FBXL19: variants seen among roughly 807,000 people sequenced by gnomAD.
The protein encoded by FBXL19 is F-box/LRR-repeat protein 19.
FBXL19 carries 16 observed loss-of-function variants against 71.2 expected under a neutral mutation model. The ratio of observed to expected loss-of-function variants is 0.22; its 90% confidence interval spans 0.15 to 0.34. FBXL19 has a LOEUF of 0.34. FBXL19 is among the 10% of genes least tolerant of loss of function. The pLI is 1.00. For synonymous variants in FBXL19, 447 were observed against 409.4 expected (o/e 1.09, Z -1.11); for missense variants, 658 against 968.2 (o/e 0.68, Z 4.25).
In FBXL19 at chr16:30,946,704, T is replaced by G. The variant is rs1258210251; in HGVS notation, c.1628-26T>G. ...GCGCAGGGATGGGAGTGGCCAGGAG[T>G]GCTGACCTCTCATCTGGCTGCCCAG... On this transcript the variant is annotated intron_variant, in intron 9 of 10. Transcript: ENST00000338343. The surrounding 1 kb of genome is among the most constrained non-coding windows in gnomAD (Gnocchi z 6.7). The G allele has an allele frequency of 6.3e-7, 1 of 1,599,116 alleles. No homozygotes were observed. Among genetic ancestry groups the G allele is most frequent in the Non-Finnish European group, 8.5e-7 (1 of 1,173,792 alleles).
intron 7 of FBXL19, among the ~76,000 whole-genome samples, chr16:30,931,376 G>A (rs999664219): frequency 6.6e-6 from 1 of 152,116 alleles, no homozygotes; most frequent in Non-Finnish European, 1.5e-5. Flanking sequence ...AGATAACTGT[G>A]TCTGTTTTAT....
At chr16:30,941,369 A>G (rs1423690003) in intron 7 of FBXL19, among the ~76,000 whole-genome samples, 2 of 152,080 alleles carry the variant, frequency 1.3e-5, no homozygotes, top group African/African-American at 4.8e-5. Flanking sequence ...GGTCCCAGCT[A>G]CTCAGGAGGC....
At chr16:30,933,503 A>T (rs1304323964) in intron 7 of FBXL19, among the ~76,000 whole-genome samples, 1 of 148,600 alleles carries the variant, frequency 6.7e-6, no homozygotes, top group African/African-American at 2.5e-5. Context: ...AGGCTGGAGT[A>T]CAGTGGTGCA....
chr16:30,923,216 C>T (rs1725822212), upstream of FBXL19: 3 of 456,266 alleles, frequency 6.6e-6, no homozygotes, highest in Middle Eastern at 3.3e-4. Context: ...GAGGTCGGGT[C>T]GGGGGAGAAG....
In FBXL19 at chr16:30,930,178, C is replaced by T; in HGVS notation, c.895C>T (p.Arg299Trp). ...RFKRMCQLLERVPDTSSSSSD... is the reference protein window; with the variant it reads ...RFKRMCQLLEWVPDTSSSSSD... ...CAAGCGGATGTGCCAGCTGCTGGAA[C>T]GGGTGCCTGACACCTCCTCTTCCTC... Residue 299 changes from arginine to tryptophan, a missense_variant, in exon 7 of 11, where the codon CGG becomes TGG. Around this residue, in one of 8 missense-constraint regions of FBXL19, gnomAD observed 447 missense variants for 515.4 expected, o/e 0.87. Transcript: ENST00000338343. This position sits in a 1 kb window ranked among gnomAD's most constrained non-coding sequence, Gnocchi z 8.5. 3 of 1,613,346 alleles carry T rather than the reference C, an allele frequency of 1.9e-6. No homozygotes were observed. Among genetic ancestry groups the T allele is most frequent in the Non-Finnish European group, 2.5e-6 (3 of 1,179,886 alleles).
In FBXL19 at chr16:30,930,360, G is replaced by A. The variant is rs1012930196; in HGVS notation, c.1077G>A (p.Gly359=). 5.1e-6 allele frequency: 8 copies of A among 1,569,502 alleles called. No homozygotes were observed. Among genetic ancestry groups the A allele is most frequent in the African/African-American group, 1.4e-5 (1 of 74,070 alleles). ...GRRAVRPGSG[G]PLLSWPLGPA... is the part of the protein sequence containing the mutation. ...GGGCTGTGCGCCCTGGCAGTGGGGGGCCCCTACTCAGCTGGCCCCTGGGCC... is the reference window on the plus strand; with the variant it reads ...GGGCTGTGCGCCCTGGCAGTGGGGGACCCCTACTCAGCTGGCCCCTGGGCC... The change falls in exon 7 of 11, where the codon GGG becomes GGA. Residue 359 remains glycine, a synonymous_variant. Transcript: ENST00000338343. The surrounding 1 kb of genome is among the most constrained non-coding windows in gnomAD (Gnocchi z 8.5).
rs372443986 is a variant in FBXL19, at chr16:30,930,030, G to A, written c.790-43G>A. On this transcript the variant is annotated intron_variant, in intron 6 of 10. Coordinates refer to ENST00000338343, the MANE Select transcript of FBXL19 (RefSeq NM_001382779.1). The surrounding 1 kb of genome is among the most constrained non-coding windows in gnomAD (Gnocchi z 8.5). Reference sequence around the variant, plus strand: ...CCTCGGGGTAGGGGGGTGGGAAAATGTATCCCAGGCCCTAGAACAGCATCA... The same window carrying A: ...CCTCGGGGTAGGGGGGTGGGAAAATATATCCCAGGCCCTAGAACAGCATCA... 117 of 1,574,894 alleles carry A rather than the reference G, an allele frequency of 7.4e-5. No homozygotes were observed. Among genetic ancestry groups the A allele is most frequent in the Middle Eastern group, 3.4e-4 (2 of 5,892 alleles).
intron 9 of FBXL19, among the ~76,000 whole-genome samples, chr16:30,943,515 C>T (rs535040213): frequency 3.7e-4 from 56 of 151,918 alleles, no homozygotes; most frequent in Non-Finnish European, 6.0e-4. Flanking sequence ...GCTGGGACTA[C>T]AGGCGCCCGC....
chr16:30,926,081 A>C, intron 2 of FBXL19, 150 bp downstream of exon 2: 2 of 1,315,464 alleles, frequency 1.5e-6, no homozygotes, highest in South Asian at 2.0e-5. Context: ...GTCAGTATCC[A>C]TTTTTGTCCT....
intron 7 of FBXL19, among the ~76,000 whole-genome samples, chr16:30,932,740 C>T (rs1163150927): frequency 6.6e-6 from 1 of 151,960 alleles, no homozygotes; most frequent in Non-Finnish European, 1.5e-5. Context: ...ACGAGCCGGG[C>T]AGAGCAGGGG....
In FBXL19 at chr16:30,928,500, G is replaced by A. The variant is rs1227831018; in HGVS notation, c.661G>A (p.Val221Met). ...KGGRERHLKK[V>M]GGDACLLRGS... ...AGGCCGAGAGAGGCACCTGAAGAAG[G>A]TGGGTGGAGACGCCTGCCTCCTCCG... Residue 221 changes from valine to methionine, a missense_variant, in exon 6 of 11, where the codon GTG becomes ATG. Transcript: ENST00000338343. The A allele has an allele frequency of 6.2e-7, 1 of 1,601,828 alleles. No homozygotes were observed.
Position 30,947,838 on chromosome 16 carries a change from C to G in FBXL19, c.*608C>G, listed in dbSNP as rs953977701. 6 of 449,640 alleles carry G rather than the reference C, an allele frequency of 1.3e-5. No homozygotes were observed. The Admixed American group carries it at 1.4e-4, about 11-fold the overall frequency. 27.9% of individuals were successfully genotyped at this position (449,640 alleles called of 1,614,324 possible). A position where few individuals can be genotyped will look rare whatever the true frequency, so the allele number is the denominator to read the frequency against. On this transcript the variant is annotated 3_prime_UTR_variant, in exon 11 of 11. Coordinates refer to ENST00000338343, the MANE Select transcript of FBXL19 (RefSeq NM_001382779.1). ...CTTGGGGGTCACCTCTCTGCTTCCC[C>G]CCTCCCCAGGCTTCAGTTCCTTCCC...
At chr16:30,928,208 G>A (rs1289458386) in intron 5 of FBXL19, among the ~76,000 whole-genome samples, 1 of 152,050 alleles carries the variant, frequency 6.6e-6, no homozygotes, top group Non-Finnish European at 1.5e-5. Context: ...GGGTTAGGGA[G>A]GCAGGAGAGA....
At position 30,929,231 on chromosome 16, in the gene FBXL19, CT is replaced by C. The variant is rs538795379; in HGVS notation, c.789+605del. The stretch of plus-strand genomic sequence containing the variant: ...CCTCTGCTGTTTGTCAGTTTGTAAC[CT>C]TGGACAAGTCACTTTGTGCCTTTAA... On this transcript the variant is annotated intron_variant, in intron 6 of 10. Coordinates refer to ENST00000338343, the MANE Select transcript of FBXL19 (RefSeq NM_001382779.1). Among the ~76,000 whole-genome samples, 321 of 152,272 alleles carry C rather than the reference CT, an allele frequency of 2.1e-3. 2 individuals are homozygous for C. The highest frequency in any genetic ancestry group is 7.4e-3 in the African/African-American group (307 of 41,542).
chr16:30,932,494 G>C (rs1449418391), intron 7 of FBXL19, among the ~76,000 whole-genome samples: 1 of 152,218 alleles, frequency 6.6e-6, no homozygotes, highest in African/African-American at 2.4e-5. Context: ...CAGACAAAGC[G>C]AGAGGCAATG....
intron 7 of FBXL19, among the ~76,000 whole-genome samples, chr16:30,931,195 G>A (rs79300951): frequency 3.9e-5 from 6 of 151,912 alleles, no homozygotes; most frequent in South Asian, 2.1e-4. Flanking sequence ...TCATCCTCCC[G>A]AGCCTCTTGT....
intron 7 of FBXL19, among the ~76,000 whole-genome samples, chr16:30,938,749 G>C (rs2055765528): frequency 6.6e-6 from 1 of 152,098 alleles, no homozygotes; most frequent in Non-Finnish European, 1.5e-5. Context: ...CCATTCTCCT[G>C]CCTCAGCCTC....
intron 6 of FBXL19, 100 bp from the exon 7 acceptor site, chr16:30,929,973 C>G: frequency 1.4e-6 from 2 of 1,470,526 alleles, no homozygotes; most frequent in South Asian, 1.3e-5. Flanking sequence ...GAACTCAGGA[C>G]TGTCCCTCGG....
At position 30,944,166 on chromosome 16, in the gene FBXL19, G is replaced by A. The variant is rs549470943; in HGVS notation, c.1627+1630G>A. Among the ~76,000 whole-genome samples the A allele has an allele frequency of 1.6e-3, 224 of 140,984 alleles. 1 individual carries two copies. Among genetic ancestry groups the A allele is most frequent in the African/African-American group, 5.8e-3 (221 of 37,858 alleles). 92.5% of individuals were successfully genotyped at this position (140,984 alleles called of 152,430 possible). On this transcript the variant is annotated intron_variant, in intron 9 of 10. Coordinates refer to ENST00000338343, the MANE Select transcript of FBXL19 (RefSeq NM_001382779.1). The stretch of plus-strand genomic sequence containing the variant: ...CCTTTATCAGGAGCTCAGGAAGGTG[G>A]GCCTTTTTTTTTTTTTTTTTTTTTT...
Sources: allele counts gnomAD v4.1 joint callset (sites outside exome capture counted in the v4.1 genomes callset), GRCh38; gene constraint gnomAD v4.1.1; regional missense constraint gnomAD v4.1.1; non-coding constraint Gnocchi (gnomAD v3.1); transcripts MANE v1.5; gene names NCBI Gene and HGNC (gene_info 2026-07-23, HGNC 2026-07-21).